The following PTPN3 variants were observed in gnomAD, a reference collection of about 807,000 sequenced individuals.
PTPN3 encodes the protein tyrosine-protein phosphatase non-receptor type 3.
PTPN3 carries 96 observed loss-of-function variants against 132.7 expected under a neutral mutation model. The ratio of observed to expected loss-of-function variants is 0.72; its 90% confidence interval spans 0.61 to 0.86. PTPN3 has a LOEUF of 0.86. Ranked by LOEUF, PTPN3 falls within the 40% of genes least tolerant of loss-of-function variation. The probability of loss-of-function intolerance (pLI) is 0.00; values close to 1 mark genes in which losing one functional copy is unlikely to be tolerated. For missense variants in PTPN3, 1,125 were observed against 1,159.6 expected (o/e 0.97, Z 0.43); for synonymous variants, 398 against 429.0 (o/e 0.93, Z 0.89).
the PTPN3 span, among the ~76,000 whole-genome samples, chr9:109,513,103 G>A: frequency 6.6e-6 from 1 of 152,150 alleles, no homozygotes; most frequent in Non-Finnish European, 1.5e-5. Flanking sequence ...CAACCTCCTG[G>A]GTCTAAGCAA....
At chr9:109,504,336 C>T in the PTPN3 span, among the ~76,000 whole-genome samples, 1 of 152,196 alleles carries the variant, frequency 6.6e-6, no homozygotes, top group African/African-American at 2.4e-5. Flanking sequence ...CTTTCAGTCT[C>T]AGCTGGACAG....
chr9:109,426,829 A>G (rs1356642461), intron 12 of PTPN3, 121 bp downstream of exon 12: 5 of 1,110,990 alleles, frequency 4.5e-6, no homozygotes, highest in Admixed American at 2.6e-5. Context: ...CAGAGATCCA[A>G]TGCCTGGAGC....
At chr9:109,534,632 CA>C in the PTPN3 span, among the ~76,000 whole-genome samples, 2,978 of 108,716 alleles carry the variant, frequency 0.027, 39 homozygotes, top group East Asian at 0.06. Flanking sequence ...CAAAAAAATA[CA>C]AAAAAAAAAA....
chr9:109,417,928 T>G, intron 14 of PTPN3: 1 of 315,066 alleles, frequency 3.2e-6, no homozygotes, highest in Non-Finnish European at 4.6e-6. Flanking sequence ...GTGCAATGTA[T>G]AGGAACAAGC....
the PTPN3 span, among the ~76,000 whole-genome samples, chr9:109,528,365 G>C: frequency 1.3e-5 from 2 of 152,130 alleles, no homozygotes; most frequent in South Asian, 2.1e-4. Context: ...AATATAAACT[G>C]TGTTATGTTC....
intron 9 of PTPN3, among the ~76,000 whole-genome samples, chr9:109,435,488 T>C (rs1003517490): frequency 1.3e-5 from 2 of 152,264 alleles, no homozygotes; most frequent in Admixed American, 6.5e-5. Context: ...ATGGATGGGG[T>C]GGAGGGCTGC....
At position 109,417,664 on chromosome 9, in the gene PTPN3, C is replaced by T. The variant is rs139265184; in HGVS notation, c.1313+2760G>A. The stretch of plus-strand genomic sequence containing the variant: ...GACCCAGCACAAAGTGGCTTCCCAC[C>T]GGCAGGAAGAGGTCTCCCACCTAAC... On this transcript the variant is annotated intron_variant, in intron 14 of 25. Coordinates refer to ENST00000374541, the MANE Select transcript of PTPN3 (RefSeq NM_002829.4). The T allele has an allele frequency of 1.6e-3, 1,563 of 985,296 alleles. 12 individuals are homozygous for T. In the African/African-American group the frequency reaches 0.019, roughly 12 times the overall value. 61.0% of individuals were successfully genotyped at this position (985,296 alleles called of 1,614,324 possible). A position where few individuals can be genotyped will look rare whatever the true frequency, so the allele number is the denominator to read the frequency against.
the PTPN3 span, among the ~76,000 whole-genome samples, chr9:109,528,967 CT>C: frequency 1.3e-5 from 2 of 152,310 alleles, no homozygotes; most frequent in African/African-American, 2.4e-5. Context: ...GCCTACTCTT[CT>C]TTGACTTTAG....
intron 20 of PTPN3, 68 bp downstream of exon 20, chr9:109,391,403 A>T (rs751783027): frequency 3.7e-5 from 56 of 1,497,014 alleles, no homozygotes; most frequent in Non-Finnish European, 5.0e-5. Context: ...ATACCAGACA[A>T]TCTGTTTTAA....
chr9:109,391,190 G>T lies in PTPN3; in HGVS notation c.2054C>A (p.Thr685Asn), dbSNP rs1161114494. 1 of 1,613,204 alleles carries T rather than the reference G, an allele frequency of 6.2e-7. No individual in the cohort carries two copies. Residue 685 changes from threonine (T) to asparagine (N), a missense_variant, in exon 21 of 26, where the codon ACC becomes AAC. Thr to Asn is a moderately conservative substitution (Grantham distance 65). Coordinates refer to ENST00000374541, the MANE Select transcript of PTPN3 (RefSeq NM_002829.4). ...TTCATTTCCCTGCAATAATACCCGGGTGGTGTCATCTGCGGGGAAGAGAAA... is the reference window on the plus strand; with the variant it reads ...TTCATTTCCCTGCAATAATACCCGGTTGGTGTCATCTGCGGGGAAGAGAAA... ...RYKDVLPYDT[T>N]RVLLQGNEDY...
intron 22 of PTPN3, among the ~76,000 whole-genome samples, chr9:109,388,652 G>A (rs1839800444): frequency 1.3e-5 from 2 of 152,170 alleles, no homozygotes; most frequent in East Asian, 1.9e-4. Context: ...AGCAGAATGA[G>A]GGAAAGAAGG....
chr9:109,466,707 C>T (rs571625154), intron 1 of PTPN3, among the ~76,000 whole-genome samples: 37 of 152,052 alleles, frequency 2.4e-4, no homozygotes, highest in Non-Finnish European at 4.0e-4. Flanking sequence ...ACGCAAGTCA[C>T]GGGTAATTGG....
chr9:109,415,667 G>T (rs1842434015), intron 14 of PTPN3, among the ~76,000 whole-genome samples: 1 of 152,188 alleles, frequency 6.6e-6, no homozygotes, highest in Non-Finnish European at 1.5e-5. Flanking sequence ...GCAGTGCAGT[G>T]GGGATGGTGG....
chr9:109,412,662 C>T (rs1842175580), intron 14 of PTPN3, among the ~76,000 whole-genome samples: 2 of 152,098 alleles, frequency 1.3e-5, no homozygotes, highest in Non-Finnish European at 2.9e-5. Flanking sequence ...TGTGAGCCAC[C>T]ATGCCCAGCC....
At chr9:109,429,757 C>T (rs534386392) in intron 10 of PTPN3, among the ~76,000 whole-genome samples, 2 of 152,252 alleles carry the variant, frequency 1.3e-5, no homozygotes, top group Admixed American at 6.5e-5. Flanking sequence ...CCAAGTACAC[C>T]AAGGGCTGAC....
At chr9:109,519,704 G>A in the PTPN3 span, among the ~76,000 whole-genome samples, 395 of 152,220 alleles carry the variant, frequency 2.6e-3, 2 homozygotes, top group Non-Finnish European at 4.4e-3. Context: ...TGTTCAGCCA[G>A]GAGATTGAGA....
intron 14 of PTPN3, among the ~76,000 whole-genome samples, chr9:109,416,497 G>A (rs1224593881): frequency 2.0e-5 from 3 of 149,926 alleles, no homozygotes; most frequent in Non-Finnish European, 4.4e-5. Context: ...CCAGCCTGGA[G>A]TGCAGGGGTG....
Position 109,379,432 on chromosome 9 carries a change from G to T in PTPN3, c.*124C>A. 1.3e-6 allele frequency: 1 copy of T among 779,014 alleles called. No individual in the cohort carries two copies. The highest frequency in any genetic ancestry group is 2.1e-6 in the Non-Finnish European group (1 of 466,486). The allele number at this position is 779,014 out of a possible 1,614,324, so 48.3% of individuals were successfully genotyped here. A position where few individuals can be genotyped will look rare whatever the true frequency, so the allele number is the denominator to read the frequency against. On this transcript the variant is annotated 3_prime_UTR_variant, in exon 26 of 26. Transcript: ENST00000374541. ...TTTCTATAGAAGTTTAAAGTGCCTG[G>T]GTTCAGAGGTGCCCATTCCTTTCCC...
chr9:109,497,825 C>T lies in PTPN3; in HGVS notation c.-18+394G>A, dbSNP rs565201097. ...CGGCTAGCTCCCCGCGGGCTGTGTG[C>T]CCCCTCGGAGCCCCGAGCCGGGGTC... On this transcript the variant is annotated intron_variant, in intron 1 of 25. Transcript: ENST00000374541. Among the ~76,000 whole-genome samples, 12 of 152,008 alleles carry T rather than the reference C, an allele frequency of 7.9e-5. No homozygotes were observed. In the East Asian group the frequency reaches 2.3e-3, roughly 30 times the overall value.
Sources: allele counts gnomAD v4.1 joint callset (sites outside exome capture counted in the v4.1 genomes callset), GRCh38; gene constraint gnomAD v4.1.1; transcripts MANE v1.5; gene names NCBI Gene and HGNC (gene_info 2026-07-23, HGNC 2026-07-21).